Variants in TTLL11 observed in about 807,000 individuals in gnomAD.
TTLL11 encodes the protein tubulin polyglutamylase TTLL11.
TTLL11 carries 42 observed loss-of-function variants against 51.7 expected under a neutral mutation model. The observed-to-expected ratio is 0.81, with a 90% CI of 0.64 to 1.05. The LOEUF (loss-of-function observed/expected upper bound fraction) is 1.05, where lower values mean the gene tolerates loss of function less well. Ranked by LOEUF, TTLL11 falls within the 50% of genes least tolerant of loss-of-function variation. The probability of loss-of-function intolerance (pLI) is 0.00; values close to 1 mark genes in which losing one functional copy is unlikely to be tolerated. For synonymous variants in TTLL11, 381 were observed against 383.5 expected, an observed-to-expected ratio of 0.99 and a Z score of 0.08; for missense variants, 799 against 940.4, an observed-to-expected ratio of 0.85 and a Z score of 1.97.
chr9:121,989,780 G>GA lies in TTLL11; in HGVS notation c.694-11dup. On this transcript the variant is annotated splice_polypyrimidine_tract_variant and intron_variant, in intron 3 of 8. Coordinates refer to ENST00000321582, the MANE Select transcript of TTLL11 (RefSeq NM_001139442.2). This position sits in a 1 kb window ranked among gnomAD's most constrained non-coding sequence, Gnocchi z 4.2. ...CTTTCACCATTTGAACCTGGAGGGG[G>GA]AAAAAAGGATGGCCGACATTATATT... 1 of 1,575,936 alleles carries GA rather than the reference G, an allele frequency of 6.3e-7. No individual in the cohort carries two copies. Among genetic ancestry groups the GA allele is most frequent in the African/African-American group, 1.4e-5 (1 of 73,478 alleles).
chr9:121,825,239 C>G (rs566257618), intron 8 of TTLL11, among the ~76,000 whole-genome samples: 1 of 151,940 alleles, frequency 6.6e-6, no homozygotes, highest in Non-Finnish European at 1.5e-5. Flanking sequence ...GTGAGATGGT[C>G]GGGTGGGAGG....
chr9:121,952,969 G>A (rs771487727), intron 6 of TTLL11, among the ~76,000 whole-genome samples: 22 of 152,268 alleles, frequency 1.4e-4, no homozygotes, highest in Non-Finnish European at 2.5e-4. Flanking sequence ...AAGTGGAAGA[G>A]AGGAATATTT....
intron 6 of TTLL11, among the ~76,000 whole-genome samples, chr9:121,910,106 A>G (rs1840064649): frequency 6.6e-6 from 1 of 152,212 alleles, no homozygotes; most frequent in Non-Finnish European, 1.5e-5. Flanking sequence ...GAGGATAACT[A>G]ATTTGCTCAC....
At chr9:121,949,359 T>C (rs907423566) in intron 6 of TTLL11, among the ~76,000 whole-genome samples, 1 of 152,182 alleles carries the variant, frequency 6.6e-6, no homozygotes, top group Admixed American at 6.5e-5. Flanking sequence ...TATTCTATGA[T>C]GGCACTAAGT....
intron 8 of TTLL11, among the ~76,000 whole-genome samples, chr9:121,848,257 G>A (rs10760198): frequency 0.56 from 85,401 of 151,654 alleles, 24,449 homozygotes; most frequent in East Asian, 0.77. Context: ...TGACCAATGC[G>A]ATTACTTCCT....
At chr9:121,988,896 A>G in intron 4 of TTLL11, 1 of 544,026 alleles carries the variant, frequency 1.8e-6, no homozygotes, top group Non-Finnish European at 3.1e-6. Flanking sequence ...AAACGAATGA[A>G]TGTAAAACTC....
At chr9:122,069,994 C>T (rs1406267411) in intron 1 of TTLL11, among the ~76,000 whole-genome samples, 1 of 151,444 alleles carries the variant, frequency 6.6e-6, no homozygotes, top group Non-Finnish European at 1.5e-5. Context: ...GAGAATCACA[C>T]ACACACACAC....
chr9:122,087,941 C>G (rs1304483230), intron 1 of TTLL11, among the ~76,000 whole-genome samples: 1 of 152,224 alleles, frequency 6.6e-6, no homozygotes, highest in African/African-American at 2.4e-5. Flanking sequence ...GAGCTAACAT[C>G]TGTGATCCTT....
chr9:122,060,613 T>C (rs1845411659), intron 1 of TTLL11, among the ~76,000 whole-genome samples: 1 of 152,180 alleles, frequency 6.6e-6, no homozygotes, highest in Non-Finnish European at 1.5e-5. Flanking sequence ...AACACAGGAA[T>C]CAGATCTTGG....
Position 121,822,511 on chromosome 9 carries a change from G to T in TTLL11, c.*76C>A. The stretch of plus-strand genomic sequence containing the variant: ...TCGGCAGCCTGCCTGCCATTCCTCT[G>T]CAGGCAGAATGCCTGGGGCGCTCCA... On this transcript the variant is annotated 3_prime_UTR_variant, in exon 9 of 9. Transcript: ENST00000321582. The surrounding 1 kb of genome is among the most constrained non-coding windows in gnomAD (Gnocchi z 5.8). 1 of 1,339,078 alleles carries T rather than the reference G, an allele frequency of 7.5e-7. No homozygotes were observed. Among genetic ancestry groups the T allele is most frequent in the Non-Finnish European group, 9.8e-7 (1 of 1,018,174 alleles). 82.9% of individuals were successfully genotyped at this position (1,339,078 alleles called of 1,614,324 possible).
chr9:121,859,018 C>A (rs1328307043), intron 8 of TTLL11, among the ~76,000 whole-genome samples: 1 of 152,198 alleles, frequency 6.6e-6, no homozygotes, highest in Non-Finnish European at 1.5e-5. Context: ...TGCGGGCTCA[C>A]AGTTCCTGTG....
chr9:121,974,117 G>A lies in TTLL11; in HGVS notation c.1373C>T (p.Pro458Leu). ...GCTGGGGACATTTTCAAACACCCCT[G>A]GAGAAAGCTTGAACGGGTAAGGATT... ...MRIEHEHELS[P>L]GVFENVPSLV... is the part of the protein sequence containing the mutation. Residue 458 changes from proline (P) to leucine (L), a missense_variant, in exon 6 of 9, where the codon CCA becomes CTA. This residue lies in a region of TTLL11 where 468 missense variants were observed against 612.8 expected (regional missense o/e 0.76). Transcript: ENST00000321582. 1 of 1,551,202 alleles carries A rather than the reference G, an allele frequency of 6.4e-7. No homozygotes were observed. Among genetic ancestry groups the A allele is most frequent in the Non-Finnish European group, 8.7e-7 (1 of 1,146,752 alleles).
At chr9:122,045,146 A>G (rs77353163) in intron 1 of TTLL11, among the ~76,000 whole-genome samples, 6,074 of 152,148 alleles carry the variant, frequency 0.04, 397 homozygotes, top group African/African-American at 0.14. Context: ...TGACAAGTAT[A>G]TAGAGAAATT....
chr9:122,023,855 C>T (rs1181573158), intron 3 of TTLL11, among the ~76,000 whole-genome samples: 1 of 152,026 alleles, frequency 6.6e-6, no homozygotes, highest in African/African-American at 2.4e-5. Flanking sequence ...AACAACAATA[C>T]TTAATGATGA....
rs1404960413 is a variant in TTLL11 at position 121,859,999 on chromosome 9, G to C, written c.1840+338C>G. 3.9e-5 allele frequency among the ~76,000 whole-genome samples: 6 copies of C among 152,296 alleles called. No individual in the cohort carries two copies. The East Asian group carries it at 1.2e-3, about 29-fold the overall frequency. On this transcript the variant is annotated intron_variant, in intron 8 of 8. Transcript: ENST00000321582. ...GCTACAGTGAATTCTTTCAGGACGA[G>C]AACCAAGCACTATACCCTCCAGCCC...
At chr9:122,047,302 A>G (rs535354977) in intron 1 of TTLL11, among the ~76,000 whole-genome samples, 1 of 152,232 alleles carries the variant, frequency 6.6e-6, no homozygotes, top group Non-Finnish European at 1.5e-5. Flanking sequence ...GATTGGAAGG[A>G]AGAATGGGAG....
chr9:121,875,864 G>A (rs560994427), intron 6 of TTLL11, among the ~76,000 whole-genome samples: 3 of 152,254 alleles, frequency 2.0e-5, no homozygotes, highest in South Asian at 4.1e-4. Flanking sequence ...GTTCTGGAAT[G>A]TTTTATCTAT....
intron 8 of TTLL11, among the ~76,000 whole-genome samples, chr9:121,847,566 T>A (rs1212597157): frequency 6.6e-6 from 1 of 152,180 alleles, no homozygotes; most frequent in East Asian, 1.9e-4. Context: ...AATAGATCCA[T>A]TCCTTGAAAG....
chr9:121,950,418 C>T (rs866189398), intron 6 of TTLL11, among the ~76,000 whole-genome samples: 33 of 152,238 alleles, frequency 2.2e-4, no homozygotes, highest in African/African-American at 7.7e-4. Context: ...TAAATTAACC[C>T]CTGTCCCAAA....
Sources: allele counts gnomAD v4.1 joint callset (sites outside exome capture counted in the v4.1 genomes callset), GRCh38; gene constraint gnomAD v4.1.1; regional missense constraint gnomAD v4.1.1; non-coding constraint Gnocchi (gnomAD v3.1); transcripts MANE v1.5; gene names NCBI Gene and HGNC (gene_info 2026-07-23, HGNC 2026-07-21).